AGBL4: variants seen among roughly 807,000 people sequenced by gnomAD.
AGBL4 encodes cytosolic carboxypeptidase 6.
In AGBL4, 58 loss-of-function variants were observed where a neutral mutation model predicts 66.4. The observed-to-expected ratio is 0.87, with a 90% CI of 0.71 to 1.09. The LOEUF is 1.09. AGBL4 is among the 50% of genes least tolerant of loss of function. The pLI, the probability that AGBL4 is intolerant of heterozygous loss-of-function variation, is 0.00. For synonymous variants in AGBL4, 234 were observed against 222.9 expected, an observed-to-expected ratio of 1.05 and a Z score of -0.44; for missense variants, 579 against 631.0, an observed-to-expected ratio of 0.92 and a Z score of 0.88.
chr1:49,600,687 G>A (rs72547990), intron 3 of AGBL4, among the ~76,000 whole-genome samples: 1 of 152,168 alleles, frequency 6.6e-6, no homozygotes. Flanking sequence ...GTTAGTTGAT[G>A]CAGTTTCTTC....
intron 4 of AGBL4, among the ~76,000 whole-genome samples, chr1:49,229,751 A>G (rs1243173638): frequency 6.6e-6 from 1 of 152,186 alleles, no homozygotes; most frequent in Non-Finnish European, 1.5e-5. Flanking sequence ...CTGCTTTGGG[A>G]AGTGACTTGG....
chr1:49,395,436 A>G (rs1644937513), intron 3 of AGBL4, among the ~76,000 whole-genome samples: 1 of 152,016 alleles, frequency 6.6e-6, no homozygotes, highest in African/African-American at 2.4e-5. Context: ...AAGTACAAGA[A>G]GGTGAATATA....
intron 6 of AGBL4, among the ~76,000 whole-genome samples, chr1:48,850,077 C>T (rs1366690695): frequency 6.6e-6 from 1 of 152,214 alleles, no homozygotes; most frequent in East Asian, 1.9e-4. Context: ...CCAGCAGCCC[C>T]TGTCTGGGCT....
At chr1:49,565,515 T>C (rs1644172796) in intron 3 of AGBL4, among the ~76,000 whole-genome samples, 1 of 152,322 alleles carries the variant, frequency 6.6e-6, no homozygotes, top group East Asian at 1.9e-4. Flanking sequence ...ACAAAATCTC[T>C]CAGCATTTGC....
chr1:48,835,418 C>T (rs966482505), intron 6 of AGBL4, among the ~76,000 whole-genome samples: 1 of 151,998 alleles, frequency 6.6e-6, no homozygotes, highest in Non-Finnish European at 1.5e-5. Flanking sequence ...AATAATCACA[C>T]AAATATGGGT....
chr1:49,109,024 T>A (rs1172432283), intron 4 of AGBL4, among the ~76,000 whole-genome samples: 1 of 152,202 alleles, frequency 6.6e-6, no homozygotes, highest in Non-Finnish European at 1.5e-5. Flanking sequence ...CCTCTAGACA[T>A]GGGTTTTTCA....
chr1:49,047,868 A>AGATGAAGAGGTCTGAAGAGGGAGAGGG (rs1644118038), intron 4 of AGBL4, among the ~76,000 whole-genome samples: 1 of 152,148 alleles, frequency 6.6e-6, no homozygotes, highest in South Asian at 2.1e-4. Flanking sequence ...AAAAAGTGGA[A>AGATGAAGAGGTCTGAAGAGGGAGAGGG]GATGAAGAGG....
At chr1:48,591,110 A>G in intron 9 of AGBL4, 125 bp from the exon 10 acceptor site, 1 of 728,094 alleles carries the variant, frequency 1.4e-6, no homozygotes, top group Non-Finnish European at 2.0e-6. Flanking sequence ...ACACACACAC[A>G]CACATCAAGC....
chr1:48,770,217 T>C (rs897505868), intron 6 of AGBL4, among the ~76,000 whole-genome samples: 5 of 152,204 alleles, frequency 3.3e-5, no homozygotes, highest in African/African-American at 1.2e-4. Flanking sequence ...TACCAAAATA[T>C]CATCCCATTC....
At chr1:49,483,129 G>A (rs1167262257) in intron 3 of AGBL4, among the ~76,000 whole-genome samples, 1 of 152,070 alleles carries the variant, frequency 6.6e-6, no homozygotes, top group South Asian at 2.1e-4. Context: ...GATATCTGAT[G>A]CATTTGATCC....
chr1:48,586,921 G>A (rs1644830741), intron 11 of AGBL4, 83 bp downstream of exon 11: 2 of 1,553,950 alleles, frequency 1.3e-6, no homozygotes, highest in African/African-American at 2.7e-5. Context: ...ACCTGAGCTG[G>A]GGGCCTAATT....
intron 12 of AGBL4, among the ~76,000 whole-genome samples, chr1:48,536,466 T>C (rs1643972376): frequency 1.3e-5 from 2 of 152,200 alleles, no homozygotes; most frequent in South Asian, 4.1e-4. Flanking sequence ...ATCTGATACA[T>C]AGTTGAGTAC....
Position 49,242,037 on chromosome 1 carries a change from C to T in AGBL4, c.377+3733G>A, listed in dbSNP as rs965914893. Among the ~76,000 whole-genome samples, 9 of 151,954 alleles carry T rather than the reference C, an allele frequency of 5.9e-5. No individual in the cohort carries two copies. The South Asian group carries it at 6.2e-4, about 11-fold the overall frequency. ...TGGTCCTTAGCATGTCTCCTTTTCC[C>T]CTCGTGGCCTTAATAGTATAATTTT... On this transcript the variant is annotated intron_variant, in intron 4 of 13. Coordinates refer to ENST00000371839, the MANE Select transcript of AGBL4 (RefSeq NM_032785.4).
intron 1 of AGBL4, among the ~76,000 whole-genome samples, chr1:49,982,960 A>T (rs557543834): frequency 6.6e-6 from 1 of 152,310 alleles, no homozygotes; most frequent in East Asian, 1.9e-4. Flanking sequence ...AGCACTCAGC[A>T]GAACAGCCTG....
chr1:49,877,897 T>A (rs1278058269), intron 1 of AGBL4, among the ~76,000 whole-genome samples: 1 of 152,130 alleles, frequency 6.6e-6, no homozygotes, highest in Non-Finnish European at 1.5e-5. Flanking sequence ...GGAGAGTGTA[T>A]GTGTCTACGA....
intron 3 of AGBL4, among the ~76,000 whole-genome samples, chr1:49,428,316 T>C (rs771300279): frequency 3.9e-5 from 6 of 152,218 alleles, no homozygotes; most frequent in Admixed American, 6.5e-5. Flanking sequence ...GGGGAAAATA[T>C]TGAATTTCAC....
intron 3 of AGBL4, among the ~76,000 whole-genome samples, chr1:49,471,727 C>T (rs894756779): frequency 3.9e-5 from 6 of 151,942 alleles, no homozygotes; most frequent in African/African-American, 1.4e-4. Context: ...AGACAAGAAA[C>T]TCTTAGAAAA....
At chr1:49,490,505 T>C (rs1014068734) in intron 3 of AGBL4, among the ~76,000 whole-genome samples, 1 of 151,800 alleles carries the variant, frequency 6.6e-6, no homozygotes, top group Non-Finnish European at 1.5e-5. Context: ...TCTAGTGTCA[T>C]CTTTTCCTGG....
chr1:48,590,590 C>T (rs963981076), intron 10 of AGBL4, among the ~76,000 whole-genome samples: 8 of 151,988 alleles, frequency 5.3e-5, no homozygotes, highest in African/African-American at 1.9e-4. Flanking sequence ...AAAACAAAAA[C>T]AAATGCCAGC....
Sources: gnomAD v4.1 joint callset for allele counts (sites outside exome capture counted in the v4.1 genomes callset) on GRCh38, gnomAD v4.1.1 for gene constraint, MANE v1.5 for transcripts, NCBI Gene and HGNC (gene_info 2026-07-23, HGNC 2026-07-21) for gene names.